Variants in SNX13 observed in about 807,000 individuals in gnomAD.
The protein encoded by SNX13 is sorting nexin 13, also known as sorting nexin-13.
A neutral mutation model predicts 133.6 loss-of-function variants in SNX13; 45 were observed. The observed-to-expected ratio is 0.34, with a 90% CI of 0.27 to 0.43. SNX13 has a LOEUF of 0.43. SNX13 is among the 20% of genes least tolerant of loss of function. The probability of loss-of-function intolerance (pLI) is 1.00; values close to 1 mark genes in which losing one functional copy is unlikely to be tolerated. For missense variants in SNX13, 1,032 were observed against 1,145.1 expected, an observed-to-expected ratio of 0.90 and a Z score of 1.43; for synonymous variants, 414 against 373.9, an observed-to-expected ratio of 1.11 and a Z score of -1.24.
intron 19 of SNX13, among the ~76,000 whole-genome samples, chr7:17,815,630 T>G (rs1259048704): frequency 6.6e-6 from 1 of 152,042 alleles, no homozygotes; most frequent in Non-Finnish European, 1.5e-5. Context: ...ATAAAGTACA[T>G]AAAATAATCC....
At chr7:17,881,455 G>C (rs1795334975) in intron 5 of SNX13, 1 of 151,972 alleles carries the variant, frequency 6.6e-6, no homozygotes, top group African/African-American at 2.4e-5. Flanking sequence ...TCAACAAAAG[G>C]TCTTTATCTT....
chr7:17,804,593 A>G (rs1190207146), intron 20 of SNX13, among the ~76,000 whole-genome samples: 1 of 152,056 alleles, frequency 6.6e-6, no homozygotes, highest in Non-Finnish European at 1.5e-5. Flanking sequence ...ATAAAATTAA[A>G]ATAATTTACA....
chr7:17,844,665 A>G (rs372313474), intron 12 of SNX13, among the ~76,000 whole-genome samples: 2 of 152,116 alleles, frequency 1.3e-5, no homozygotes, highest in African/African-American at 4.8e-5. Flanking sequence ...CTAGCAAAAC[A>G]AATTCAGCAG....
chr7:17,821,775 C>A lies in SNX13; in HGVS notation c.1706-127G>T, dbSNP rs1787318540. On this transcript the variant is annotated intron_variant, in intron 17 of 25. Coordinates refer to ENST00000428135, the MANE Select transcript of SNX13 (RefSeq NM_015132.5). The stretch of plus-strand genomic sequence containing the variant: ...AAGATAATATGAAATGAAGAAGAAT[C>A]TGAAATGACAGACTGAGACAGAAGG... 8.3e-6 allele frequency: 9 copies of A among 1,080,936 alleles called. No homozygotes were observed. In the South Asian group the frequency reaches 1.4e-4, roughly 17 times the overall value. The allele number at this position is 1,080,936 out of a possible 1,614,324, so 67.0% of individuals were successfully genotyped here.
At chr7:17,881,037 G>T (rs1254867751) in intron 5 of SNX13, 1 of 152,054 alleles carries the variant, frequency 6.6e-6, no homozygotes, top group Admixed American at 6.6e-5. Context: ...TATTTTCCTG[G>T]AAAAGGTGCC....
intron 20 of SNX13, among the ~76,000 whole-genome samples, chr7:17,803,958 G>A (rs914536734): frequency 2.0e-5 from 3 of 151,532 alleles, no homozygotes; most frequent in African/African-American, 4.9e-5. Context: ...TGGGGAAGGT[G>A]AGGCAAGAGG....
At position 17,831,769 on chromosome 7, in the gene SNX13, GA is replaced by G. The variant is rs897173956; in HGVS notation, c.1598-1723del. The G allele has an allele frequency of 7.1e-6, 7 of 983,656 alleles. No individual in the cohort carries two copies. The African/African-American group carries it at 1.1e-4, about 15-fold the overall frequency. 60.9% of individuals were successfully genotyped at this position (983,656 alleles called of 1,614,324 possible). A position where few individuals can be genotyped will look rare whatever the true frequency, so the allele number is the denominator to read the frequency against. ...CTCAGCAGCTTAATTTTAAAAGTCA[GA>G]AAACTAATTTATAACAAAAAAAGTG... On this transcript the variant is annotated intron_variant, in intron 15 of 25. Coordinates refer to ENST00000428135, the MANE Select transcript of SNX13 (RefSeq NM_015132.5).
chr7:17,930,186 TACTTC>T (rs1171373116), intron 1 of SNX13, among the ~76,000 whole-genome samples: 1 of 141,550 alleles, frequency 7.1e-6, no homozygotes, highest in African/African-American at 2.6e-5. Flanking sequence ...GTACATGTGT[TACTTC>T]ACTTAATACT....
intron 2 of SNX13, among the ~76,000 whole-genome samples, chr7:17,893,872 T>C (rs770194647): frequency 2.3e-4 from 35 of 149,732 alleles, no homozygotes; most frequent in Non-Finnish European, 4.7e-4. Context: ...CTTGGGAGGC[T>C]GAGGCAGGAG....
At chr7:17,901,741 T>C (rs1797860282) in intron 1 of SNX13, among the ~76,000 whole-genome samples, 1 of 152,334 alleles carries the variant, frequency 6.6e-6, no homozygotes, top group South Asian at 2.1e-4. Flanking sequence ...TCAGTGCCTC[T>C]TGCAGCAATA....
At chr7:17,820,803 G>A (rs1368062420) in intron 18 of SNX13, among the ~76,000 whole-genome samples, 1 of 152,016 alleles carries the variant, frequency 6.6e-6, no homozygotes, top group Non-Finnish European at 1.5e-5. Context: ...CCCTGAATGA[G>A]TCAGACTTTT....
chr7:17,868,543 A>T (rs2128345406), intron 8 of SNX13, 53 bp from the exon 9 acceptor site: 1 of 1,342,228 alleles, frequency 7.5e-7, no homozygotes, highest in Non-Finnish European at 1.0e-6. Context: ...TGAAATCAAC[A>T]GCATAATGTA....
At chr7:17,852,308 G>A (rs970555511) in intron 9 of SNX13, among the ~76,000 whole-genome samples, 1 of 152,158 alleles carries the variant, frequency 6.6e-6, no homozygotes, top group African/African-American at 2.4e-5. Flanking sequence ...AGGAGGCGGA[G>A]GTTGAAGTGA....
At chr7:17,883,730 G>A (rs908414514) in intron 5 of SNX13, among the ~76,000 whole-genome samples, 1 of 151,710 alleles carries the variant, frequency 6.6e-6, no homozygotes, top group Admixed American at 6.6e-5. Context: ...CCCCCCAAGA[G>A]GCCCCGGTGT....
At chr7:17,893,200 A>T (rs1346878162) in intron 3 of SNX13, 132 bp downstream of exon 3, 2 of 567,328 alleles carry the variant, frequency 3.5e-6, no homozygotes, top group African/African-American at 4.0e-5. Flanking sequence ...ATAATTAGAC[A>T]ATCTCACATA....
rs1190943674 is a variant in SNX13, at chr7:17,839,945, T to G, written c.1221A>C (p.Glu407Asp). 6.2e-7 allele frequency: 1 copy of G among 1,611,886 alleles called. No individual in the cohort carries two copies. The highest frequency in any genetic ancestry group is 8.5e-7 in the Non-Finnish European group (1 of 1,178,580). ...QAHLFFWMTV[E>D]GYRVTAQQQL... ...GCTGTTGGGCGGTAACCCGGTATCC[T>G]TCCACTGTCATCCAAAAGAATAGAT... Residue 407 changes from glutamate to aspartate, a missense_variant, in exon 13 of 26, where the codon GAA becomes GAC. Glu to Asp is a conservative substitution (Grantham distance 45, BLOSUM62 2). Transcript: ENST00000428135.
At chr7:17,819,875 T>G (rs1787086678) in intron 18 of SNX13, among the ~76,000 whole-genome samples, 1 of 138,196 alleles carries the variant, frequency 7.2e-6, no homozygotes, top group Non-Finnish European at 1.5e-5. Flanking sequence ...TTTATAAAGT[T>G]TATAAACTTT....
rs757491303 is a variant in SNX13, at chr7:17,796,898, G to A, written c.2555C>T (p.Pro852Leu). Residue 852 changes from proline to leucine, a missense_variant, in exon 25 of 26, where the codon CCA becomes CTA. Physicochemically the swap from Pro to Leu is moderately conservative, Grantham distance 98. Transcript: ENST00000428135. ...WPNGILAEAV[P>L]CRDKSIRMRT... The stretch of plus-strand genomic sequence containing the variant: ...CATTCGAATACTTTTATCTCTGCAT[G>A]GAACAGCCTCTGCTAAAATGCCATT... 67 of 1,611,026 alleles carry A rather than the reference G, an allele frequency of 4.2e-5. 1 individual carries two copies. In the South Asian group the frequency reaches 6.7e-4, roughly 16 times the overall value.
At chr7:17,827,996 T>G (rs1788094307) in intron 16 of SNX13, among the ~76,000 whole-genome samples, 1 of 151,776 alleles carries the variant, frequency 6.6e-6, no homozygotes, top group Non-Finnish European at 1.5e-5. Flanking sequence ...AATGGTAACC[T>G]TCCCTTGTAT....
Sources: allele counts gnomAD v4.1 joint callset (sites outside exome capture counted in the v4.1 genomes callset), GRCh38; gene constraint gnomAD v4.1.1; transcripts MANE v1.5; gene names NCBI Gene and HGNC (gene_info 2026-07-23, HGNC 2026-07-21).